Variants in FAM131B observed in about 807,000 individuals in gnomAD.
FAM131B encodes the protein family with sequence similarity 131 member B.
In FAM131B, 19 loss-of-function variants were observed where a neutral mutation model predicts 42.0. The ratio of observed to expected loss-of-function variants is 0.45; its 90% CI spans 0.32 to 0.66. The LOEUF (loss-of-function observed/expected upper bound fraction) is 0.66. FAM131B is among the 30% of genes least tolerant of loss of function. The probability of loss-of-function intolerance (pLI) is 0.05; values close to 1 mark genes in which losing one functional copy is unlikely to be tolerated. For missense variants in FAM131B, 370 were observed against 468.4 expected (o/e 0.79, Z 1.94); for synonymous variants, 183 against 177.6 (o/e 1.03, Z -0.24).
the FAM131B span, chr7:143,381,566 C>A: frequency 3.1e-6 from 5 of 1,609,426 alleles, no homozygotes; most frequent in Non-Finnish European, 4.2e-6. Context: ...GCAGCCCGGC[C>A]CGGCCATGGC....
chr7:143,359,280 G>T lies in FAM131B; in HGVS notation c.268+46C>A. ...GCAGGGAGACTGAGCCAAGGAGTCT[G>T]TCAGCATTATTTTGTCTGAAGGCAT... is the stretch of plus-strand genomic sequence containing the variant. On this transcript the variant is annotated intron_variant, in intron 4 of 6. Transcript: ENST00000443739. The surrounding 1 kb of genome is among the most constrained non-coding windows in gnomAD (Gnocchi z 5.4). 1 of 1,446,568 alleles carries T rather than the reference G, an allele frequency of 6.9e-7. No individual in the cohort carries two copies. Among genetic ancestry groups the T allele is most frequent in the Non-Finnish European group, 9.7e-7 (1 of 1,034,612 alleles). The allele number at this position is 1,446,568 out of a possible 1,614,324, so 89.6% of individuals were successfully genotyped here.
rs372186934 is a variant in FAM131B at position 143,359,469 on chromosome 7, G to A, written c.175-50C>T. ...GGCAGAGGAATAAGAAGGTACGGGC[G>A]TGCTTTATACATGGAGGAGGTTCAT... On this transcript the variant is annotated intron_variant, in intron 3 of 6. Coordinates refer to ENST00000443739, the MANE Select transcript of FAM131B (RefSeq NM_001031690.3). The surrounding 1 kb of genome is among the most constrained non-coding windows in gnomAD (Gnocchi z 5.4). 79 of 1,417,504 alleles carry A rather than the reference G, an allele frequency of 5.6e-5. No individual in the cohort carries two copies. The East Asian group carries it at 8.0e-4, about 14-fold the overall frequency. The allele number at this position is 1,417,504 out of a possible 1,614,324, so 87.8% of individuals were successfully genotyped here.
the FAM131B span, among the ~76,000 whole-genome samples, chr7:143,369,883 C>A: frequency 1.3e-5 from 2 of 152,150 alleles, no homozygotes; most frequent in Non-Finnish European, 2.9e-5. Context: ...AGGGACAAGG[C>A]ATTGCTCTCC....
chr7:143,365,301 A>G (rs4314566), upstream of FAM131B, among the ~76,000 whole-genome samples: 150,983 of 152,286 alleles, frequency 0.99, 74,858 homozygotes, highest in East Asian at 1. Flanking sequence ...GTTTGGTGTC[A>G]GGAGAATGAG....
At chr7:143,379,202 TTAAC>T in the FAM131B span, among the ~76,000 whole-genome samples, 5 of 152,270 alleles carry the variant, frequency 3.3e-5, no homozygotes, top group African/African-American at 1.2e-4. Flanking sequence ...AATCATCTTC[TTAAC>T]TATCTTTTTT....
the FAM131B span, chr7:143,381,525 T>C: frequency 7.6e-6 from 12 of 1,580,890 alleles, no homozygotes; most frequent in Non-Finnish European, 9.5e-6. Context: ...TGAGCCCGGC[T>C]CCGCGCTGCG....
At chr7:143,362,761 T>TCCGTCGCCG (rs1298942260), upstream of FAM131B, 1 of 252,500 alleles carries the variant, frequency 4.0e-6, no homozygotes, top group African/African-American at 2.4e-5. The surrounding 1 kb of genome is among the most constrained non-coding windows in gnomAD (Gnocchi z 7.7). Context: ...CCACGGCAGC[T>TCCGTCGCCG]CCGTCGCCGC....
At chr7:143,381,148 C>T in the FAM131B span, 1 of 975,052 alleles carries the variant, frequency 1.0e-6, no homozygotes, top group Non-Finnish European at 1.2e-6. Context: ...GGCGGAGCCT[C>T]CGGCCTGAGG....
At chr7:143,357,148 G>T in intron 6 of FAM131B, 126 bp from the exon 7 acceptor site, 1 of 1,150,162 alleles carries the variant, frequency 8.7e-7, no homozygotes, top group Non-Finnish European at 1.3e-6. Context: ...AGAGTGCACA[G>T]TGAGTAGGGA....
At position 143,362,452 on chromosome 7, in the gene FAM131B, G is replaced by T; in HGVS notation, c.28+124C>A. ...CGCGGGCGGACGGAAGGAAAGTGAA[G>T]GAGCTAGCAGGGCAAGGCGGGTGCG... On this transcript the variant is annotated intron_variant, in intron 1 of 6. Transcript: ENST00000443739. This position sits in a 1 kb window ranked among gnomAD's most constrained non-coding sequence, Gnocchi z 7.7. The T allele has an allele frequency of 2.7e-6, 1 of 374,202 alleles. No individual in the cohort carries two copies. Among genetic ancestry groups the T allele is most frequent in the South Asian group, 1.3e-4 (1 of 7,452 alleles). The allele number at this position is 374,202 out of a possible 1,614,324, so 23.2% of individuals were successfully genotyped here.
chr7:143,375,885 T>C, the FAM131B span, among the ~76,000 whole-genome samples: 1 of 152,228 alleles, frequency 6.6e-6, no homozygotes, highest in South Asian at 2.1e-4. Context: ...GCAACCTGGC[T>C]GTGCTGCTGT....
At chr7:143,361,306 G>GGAAT (rs1489225427) in intron 1 of FAM131B, 1 of 150,366 alleles carries the variant, frequency 6.7e-6, no homozygotes, top group African/African-American at 2.4e-5. Flanking sequence ...GGACACAGCA[G>GGAAT]GAATGGGGCA....
chr7:143,380,940 C>G, the FAM131B span: 1 of 361,110 alleles, frequency 2.8e-6, no homozygotes, highest in Non-Finnish European at 3.9e-6. The surrounding 1 kb of genome is among the most constrained non-coding windows in gnomAD (Gnocchi z 5.0). Flanking sequence ...GCGTGGCTAC[C>G]TCGGCGGCAC....
chr7:143,358,755 G>A lies in FAM131B; in HGVS notation c.466+72C>T. The A allele has an allele frequency of 8.3e-7, 1 of 1,204,202 alleles. No individual in the cohort carries two copies. The highest frequency in any genetic ancestry group is 1.2e-6 in the Non-Finnish European group (1 of 825,138). 74.6% of individuals were successfully genotyped at this position (1,204,202 alleles called of 1,614,324 possible). A position where few individuals can be genotyped will look rare whatever the true frequency, so the allele number is the denominator to read the frequency against. ...TATGGATGGAGCTAATCCTGCCACA[G>A]GGGATCAGGTTGGAGGGTCGGTCCC... On this transcript the variant is annotated intron_variant, in intron 5 of 6. Coordinates refer to ENST00000443739, the MANE Select transcript of FAM131B (RefSeq NM_001031690.3). This position sits in a 1 kb window ranked among gnomAD's most constrained non-coding sequence, Gnocchi z 4.7.
chr7:143,382,294 AGAGGGTGCTCTGG>A, the FAM131B span: 1 of 1,612,678 alleles, frequency 6.2e-7, no homozygotes. Context: ...GCGACGATGC[AGAGGGTGCTCTGG>A]GAGGTGCCTT....
chr7:143,373,672 T>A, the FAM131B span, among the ~76,000 whole-genome samples: 1 of 152,128 alleles, frequency 6.6e-6, no homozygotes, highest in Non-Finnish European at 1.5e-5. Context: ...GAAAAGGGCC[T>A]ACATGCTCTG....
In FAM131B at chr7:143,353,955, AAC is replaced by A. The variant is rs1803540423; in HGVS notation, c.*2593_*2594del. On this transcript the variant is annotated 3_prime_UTR_variant, in exon 7 of 7. Coordinates refer to ENST00000443739, the MANE Select transcript of FAM131B (RefSeq NM_001031690.3). ...CAGCCCTGTTCCAGGACTGCTGTAA[AAC>A]GTGCTGCACAGCCTTAACCCCAAAG... is the stretch of plus-strand genomic sequence containing the variant. The A allele has an allele frequency of 6.6e-6, 1 of 152,314 alleles. No individual in the cohort carries two copies. The highest frequency in any genetic ancestry group is 2.4e-5 in the African/African-American group (1 of 41,360). The allele number at this position is 152,314 out of a possible 1,614,324, so 9.4% of individuals were successfully genotyped here. A position where few individuals can be genotyped will look rare whatever the true frequency, so the allele number is the denominator to read the frequency against.
Position 143,359,681 on chromosome 7 carries a change from G to T in FAM131B, c.174+51C>A. 2 of 1,506,034 alleles carry T rather than the reference G, an allele frequency of 1.3e-6. No individual in the cohort carries two copies. The highest frequency in any genetic ancestry group is 1.2e-5 in the South Asian group (1 of 83,242). 93.3% of individuals were successfully genotyped at this position (1,506,034 alleles called of 1,614,324 possible). A position where few individuals can be genotyped will look rare whatever the true frequency, so the allele number is the denominator to read the frequency against. On this transcript the variant is annotated intron_variant, in intron 3 of 6. Transcript: ENST00000443739. The surrounding 1 kb of genome is among the most constrained non-coding windows in gnomAD (Gnocchi z 5.4). ...GGTTGGAAGGTGCAAGGGAGAAGAT[G>T]AGGAGGAGGAGTTCGGGAGGATGGG...
rs767016674 is a variant in FAM131B at position 143,356,907 on chromosome 7, A to C, written c.726T>G (p.Ser242=). ...WEASDQSLIA[S]PATGSYLGPA... Reference sequence around the variant, plus strand: ...GCCCAAGATAGGATCCTGTGGCCGGAGAGGCAATGAGGGACTGATCGCTGG... The same window carrying C: ...GCCCAAGATAGGATCCTGTGGCCGGCGAGGCAATGAGGGACTGATCGCTGG... Residue 242 remains serine (S), a synonymous_variant, in exon 7 of 7, where the codon TCT becomes TCG. Coordinates refer to ENST00000443739, the MANE Select transcript of FAM131B (RefSeq NM_001031690.3). The surrounding 1 kb of genome is among the most constrained non-coding windows in gnomAD (Gnocchi z 4.4). The C allele has an allele frequency of 2.5e-6, 4 of 1,613,954 alleles. No homozygotes were observed. The highest frequency in any genetic ancestry group is 2.5e-6 in the Non-Finnish European group (3 of 1,180,032).
Sources: gnomAD v4.1 joint callset for allele counts (sites outside exome capture counted in the v4.1 genomes callset) on GRCh38, gnomAD v4.1.1 for gene constraint, Gnocchi (gnomAD v3.1) non-coding constraint, MANE v1.5 for transcripts, NCBI Gene and HGNC (gene_info 2026-07-23, HGNC 2026-07-21) for gene names.